The following USP46 variants were observed in gnomAD, a reference collection of about 807,000 sequenced individuals.
USP46 encodes ubiquitin specific peptidase 46.
In USP46, 12 loss-of-function variants were observed where a neutral mutation model predicts 44.4. The ratio of observed to expected loss-of-function variants is 0.27; its 90% CI spans 0.17 to 0.44. The LOEUF (loss-of-function observed/expected upper bound fraction) is 0.44, where lower values mean the gene tolerates loss of function less well. Ranked by LOEUF, USP46 falls within the 20% of genes least tolerant of loss-of-function variation. The pLI is 1.00. For missense variants in USP46, 248 were observed against 444.8 expected (o/e 0.56, Z 3.98); for synonymous variants, 155 against 161.5 (o/e 0.96, Z 0.31).
intron 1 of USP46, among the ~76,000 whole-genome samples, chr4:52,644,763 T>C (rs1302595513): frequency 2.1e-5 from 3 of 143,934 alleles, no homozygotes; most frequent in Non-Finnish European, 3.0e-5. Flanking sequence ...AAAAAACCTC[T>C]GAAAAAAACC....
At chr4:52,637,261 G>A (rs2109648847) in intron 1 of USP46, among the ~76,000 whole-genome samples, 1 of 152,128 alleles carries the variant, frequency 6.6e-6, no homozygotes, top group South Asian at 2.1e-4. Context: ...TTTTCCAAGG[G>A]CTGTCTGGGG....
At chr4:52,611,668 C>T (rs767892328) in intron 4 of USP46, among the ~76,000 whole-genome samples, 1 of 152,100 alleles carries the variant, frequency 6.6e-6, no homozygotes, top group African/African-American at 2.4e-5. Flanking sequence ...AGGTGGATCA[C>T]TTGAGGTCAG....
At chr4:52,641,697 G>A (rs1375787305) in intron 1 of USP46, among the ~76,000 whole-genome samples, 1 of 152,148 alleles carries the variant, frequency 6.6e-6, no homozygotes, top group Non-Finnish European at 1.5e-5. Flanking sequence ...CCTTGGAGAA[G>A]AGCCAGACCA....
chr4:52,616,382 T>TA (rs1218485123), intron 4 of USP46, among the ~76,000 whole-genome samples: 1 of 152,052 alleles, frequency 6.6e-6, no homozygotes, highest in African/African-American at 2.4e-5. Flanking sequence ...TTCCCTTCTT[T>TA]CCTTCTTTGA....
chr4:52,599,236 C>T (rs771674650), intron 7 of USP46, among the ~76,000 whole-genome samples: 7 of 140,672 alleles, frequency 5.0e-5, no homozygotes, highest in Non-Finnish European at 7.6e-5. Flanking sequence ...GGAAATTTCC[C>T]TGAAGGAAAT....
rs532477395 is a variant in USP46, at chr4:52,611,498, T to G, written c.562-881A>C. ...TAGCAGCAAAATGAAAACAACATTC[T>G]TTTTAAAGTGTGACAACTACCCTAT... On this transcript the variant is annotated intron_variant, in intron 4 of 8. Transcript: ENST00000441222. Among the ~76,000 whole-genome samples, 219 of 152,324 alleles carry G rather than the reference T, an allele frequency of 1.4e-3. 1 individual carries two copies. The highest frequency in any genetic ancestry group is 5.2e-3 in the African/African-American group (215 of 41,574).
At chr4:52,651,360 C>G (rs1419848331) in intron 1 of USP46, among the ~76,000 whole-genome samples, 1 of 151,982 alleles carries the variant, frequency 6.6e-6, no homozygotes, top group Non-Finnish European at 1.5e-5. Flanking sequence ...CAACTAAGAC[C>G]TACTTAATCA....
intron 1 of USP46, among the ~76,000 whole-genome samples, chr4:52,632,948 G>GAA (rs1336596387): frequency 1.5e-5 from 1 of 66,600 alleles, no homozygotes; most frequent in Non-Finnish European, 2.8e-5. Flanking sequence ...AAGAAAGAAA[G>GAA]AAAGAAAGAA....
At chr4:52,634,806 A>G (rs1013570717) in intron 1 of USP46, among the ~76,000 whole-genome samples, 8 of 152,210 alleles carry the variant, frequency 5.3e-5, no homozygotes, top group Non-Finnish European at 8.8e-5. Flanking sequence ...GACCCGACTC[A>G]TGGAAGACCT....
At position 52,591,498 on chromosome 4, in the gene USP46, T is replaced by C. The variant is rs962668126; in HGVS notation, c.*6142A>G. The C allele has an allele frequency of 6.6e-6, 1 of 152,198 alleles. No homozygotes were observed. The highest frequency in any genetic ancestry group is 1.5e-5 in the Non-Finnish European group (1 of 68,032). 9.4% of individuals were successfully genotyped at this position (152,198 alleles called of 1,614,324 possible). A position where few individuals can be genotyped will look rare whatever the true frequency, so the allele number is the denominator to read the frequency against. On this transcript the variant is annotated 3_prime_UTR_variant, in exon 9 of 9. Coordinates refer to ENST00000441222, the MANE Select transcript of USP46 (RefSeq NM_022832.4). The stretch of plus-strand genomic sequence containing the variant: ...CACAACCTCACTCTTTCTCTCACTC[T>C]TGGGAAAGAAAAAAGTGAAAGATGC...
chr4:52,618,382 C>T (rs1212798233), intron 4 of USP46, among the ~76,000 whole-genome samples: 2 of 151,886 alleles, frequency 1.3e-5, no homozygotes, highest in Non-Finnish European at 2.9e-5. Flanking sequence ...TCCAGCTATT[C>T]GGGAGGCTAA....
At chr4:52,608,161 G>A (rs1286103702) in intron 5 of USP46, among the ~76,000 whole-genome samples, 1 of 152,176 alleles carries the variant, frequency 6.6e-6, no homozygotes, top group Non-Finnish European at 1.5e-5. Flanking sequence ...TTACAAAAAA[G>A]GCACTAAAGC....
At chr4:52,634,616 G>T (rs1323654764) in intron 1 of USP46, among the ~76,000 whole-genome samples, 1 of 151,998 alleles carries the variant, frequency 6.6e-6, no homozygotes, top group East Asian at 1.9e-4. Context: ...CTAGAGATGG[G>T]GTTTCACCAT....
chr4:52,623,842 C>T (rs1368231429), intron 4 of USP46, among the ~76,000 whole-genome samples: 3 of 152,046 alleles, frequency 2.0e-5, no homozygotes, highest in Non-Finnish European at 4.4e-5. Flanking sequence ...ATCACTTGAA[C>T]CCGGGAGGCA....
In USP46 at chr4:52,593,079, C is replaced by T. The variant is rs370312388; in HGVS notation, c.*4561G>A. 1.5e-4 allele frequency: 61 copies of T among 396,240 alleles called. No individual in the cohort carries two copies. Among genetic ancestry groups the T allele is most frequent in the African/African-American group, 1.1e-3 (55 of 48,484 alleles). The allele number at this position is 396,240 out of a possible 1,614,324, so 24.5% of individuals were successfully genotyped here. On this transcript the variant is annotated 3_prime_UTR_variant, in exon 9 of 9. Coordinates refer to ENST00000441222, the MANE Select transcript of USP46 (RefSeq NM_022832.4). ...GCACTGCCAGAATGGACAAATACAA[C>T]GACTTAGTAAGTATTTTTATCTTCA...
At position 52,636,238 on chromosome 4, in the gene USP46, A is replaced by T. The variant is rs146596041; in HGVS notation, c.37-5094T>A. 2.8e-4 allele frequency among the ~76,000 whole-genome samples: 43 copies of T among 152,222 alleles called. No individual in the cohort carries two copies. The East Asian group carries it at 6.8e-3, about 24-fold the overall frequency. On this transcript the variant is annotated intron_variant, in intron 1 of 8. Coordinates refer to ENST00000441222, the MANE Select transcript of USP46 (RefSeq NM_022832.4). ...CCTCACTGGCTTTGAAGATGGAGGA[A>T]GAGGCCAGAGGCAAGCAAGGTAGGC...
Position 52,591,649 on chromosome 4 carries a change from G to A in USP46, c.*5991C>T, listed in dbSNP as rs974351291. 1.1e-4 allele frequency: 16 copies of A among 152,226 alleles called. No homozygotes were observed. Among genetic ancestry groups the A allele is most frequent in the African/African-American group, 3.9e-4 (16 of 41,528 alleles). 9.4% of individuals were successfully genotyped at this position (152,226 alleles called of 1,614,324 possible). A position where few individuals can be genotyped will look rare whatever the true frequency, so the allele number is the denominator to read the frequency against. ...ACAATCTAATGTCATTTCTGACTCT[G>A]GTATCTCATAACCAAAATGAAGCTA... is the stretch of plus-strand genomic sequence containing the variant. On this transcript the variant is annotated 3_prime_UTR_variant, in exon 9 of 9. Coordinates refer to ENST00000441222, the MANE Select transcript of USP46 (RefSeq NM_022832.4).
At chr4:52,620,449 T>C (rs1011849487) in intron 4 of USP46, among the ~76,000 whole-genome samples, 12 of 152,222 alleles carry the variant, frequency 7.9e-5, no homozygotes, top group African/African-American at 2.9e-4. Context: ...TAACTAATTA[T>C]TCATTTTGTC....
At chr4:52,655,704 C>T (rs1465891127) in intron 1 of USP46, among the ~76,000 whole-genome samples, 1 of 152,218 alleles carries the variant, frequency 6.6e-6, no homozygotes, top group Non-Finnish European at 1.5e-5. Flanking sequence ...AAAATTACAA[C>T]ACACCAGCCA....
Sources: gnomAD v4.1 joint callset for allele counts (sites outside exome capture counted in the v4.1 genomes callset) on GRCh38, gnomAD v4.1.1 for gene constraint, MANE v1.5 for transcripts, NCBI Gene and HGNC (gene_info 2026-07-23, HGNC 2026-07-21) for gene names.